Variants in SLC25A21 observed in about 807,000 individuals in gnomAD.
SLC25A21 encodes solute carrier family 25 member 21.
SLC25A21 carries 47 observed loss-of-function variants against 43.8 expected under a neutral mutation model. That is an observed-to-expected ratio of 1.07 (90% CI 0.85 to 1.37). The LOEUF (loss-of-function observed/expected upper bound fraction) is 1.37. Among genes scored for constraint, SLC25A21 ranks in the 40% most tolerant of loss-of-function variants. The pLI, the probability that SLC25A21 is intolerant of heterozygous loss-of-function variation, is 0.00. For missense variants in SLC25A21, 352 were observed against 350.2 expected (o/e 1.00, Z -0.04); for synonymous variants, 131 against 121.3 (o/e 1.08, Z -0.52).
intron 2 of SLC25A21, among the ~76,000 whole-genome samples, chr14:36,832,690 C>T (rs1415839954): frequency 6.6e-6 from 1 of 152,176 alleles, no homozygotes; most frequent in East Asian, 1.9e-4. Flanking sequence ...TCAAAAGAAT[C>T]TACTTTGCAA....
chr14:37,120,694 T>A (rs1012192942), intron 1 of SLC25A21, among the ~76,000 whole-genome samples: 1 of 151,996 alleles, frequency 6.6e-6, no homozygotes, highest in African/African-American at 2.4e-5. Flanking sequence ...TCAGCTCAAC[T>A]GTGGGGAAAA....
At chr14:36,931,659 A>C (rs1892295686) in intron 1 of SLC25A21, among the ~76,000 whole-genome samples, 1 of 152,114 alleles carries the variant, frequency 6.6e-6, no homozygotes, top group African/African-American at 2.4e-5. Context: ...TTAAATGGAG[A>C]ACTGATGAAA....
At chr14:36,916,482 C>A (rs712398) in intron 1 of SLC25A21, among the ~76,000 whole-genome samples, 5 of 152,048 alleles carry the variant, frequency 3.3e-5, no homozygotes, top group Non-Finnish European at 7.4e-5. Flanking sequence ...ATAGTTTTGA[C>A]TGAGGCTTCA....
At chr14:36,724,728 C>G (rs1884521767) in intron 6 of SLC25A21, among the ~76,000 whole-genome samples, 1 of 152,136 alleles carries the variant, frequency 6.6e-6, no homozygotes, top group Admixed American at 6.5e-5. Context: ...GATGAAATGT[C>G]AAGACCCGTC....
At chr14:36,846,421 G>A (rs115120979) in intron 2 of SLC25A21, among the ~76,000 whole-genome samples, 2,901 of 151,410 alleles carry the variant, frequency 0.019, 95 homozygotes, top group African/African-American at 0.056. Context: ...TGCTCTTGTC[G>A]CCCAGGCTAG....
intron 1 of SLC25A21, among the ~76,000 whole-genome samples, chr14:36,948,171 G>GAATT (rs1226430036): frequency 1.3e-5 from 2 of 152,130 alleles, no homozygotes; most frequent in African/African-American, 4.8e-5. Context: ...AATATAACTA[G>GAATT]AATTACTGCC....
At chr14:36,755,044 C>T (rs2139267106) in intron 3 of SLC25A21, among the ~76,000 whole-genome samples, 1 of 152,206 alleles carries the variant, frequency 6.6e-6, no homozygotes, top group Non-Finnish European at 1.5e-5. Flanking sequence ...AAATTAAAAT[C>T]ACACAAACAA....
rs1425239761 is a variant in SLC25A21 at position 36,983,721 on chromosome 14, TCA to T, written c.71-108719_71-108718del. Among the ~76,000 whole-genome samples the T allele has an allele frequency of 3.9e-5, 6 of 152,200 alleles. No homozygotes were observed. In the Middle Eastern group the frequency reaches 0.01, roughly 259 times the overall value. On this transcript the variant is annotated intron_variant, in intron 1 of 9. Coordinates refer to ENST00000331299, the MANE Select transcript of SLC25A21 (RefSeq NM_030631.4). The stretch of plus-strand genomic sequence containing the variant: ...TGCACCACTATTCACAATACCAAAG[TCA>T]TGGAATCAACCTGTGTCCATGAATG...
intron 5 of SLC25A21, 125 bp from the exon 6 acceptor site, chr14:36,725,802 C>A: frequency 1.2e-5 from 5 of 401,736 alleles, no homozygotes; most frequent in Non-Finnish European, 1.7e-5. Flanking sequence ...ATAAACGCAC[C>A]ATATTCCATT....
chr14:36,824,072 G>T (rs1254035007), intron 2 of SLC25A21, among the ~76,000 whole-genome samples: 5 of 152,194 alleles, frequency 3.3e-5, no homozygotes, highest in African/African-American at 9.6e-5. Context: ...GAAGGAGTCT[G>T]TTGGAGAATA....
At chr14:36,897,247 C>A (rs1035782133) in intron 1 of SLC25A21, among the ~76,000 whole-genome samples, 2 of 152,084 alleles carry the variant, frequency 1.3e-5, no homozygotes, top group East Asian at 1.9e-4. Context: ...TCTTTTTATT[C>A]TTTTTTCTCT....
intron 7 of SLC25A21, among the ~76,000 whole-genome samples, chr14:36,688,933 T>C (rs956218667): frequency 3.3e-5 from 5 of 152,248 alleles, no homozygotes; most frequent in Admixed American, 6.5e-5. Context: ...AGGCATAGTT[T>C]TTCTTCTTAT....
intron 1 of SLC25A21, among the ~76,000 whole-genome samples, chr14:36,930,048 A>C (rs1182442333): frequency 1.3e-5 from 2 of 152,172 alleles, no homozygotes; most frequent in East Asian, 3.9e-4. Flanking sequence ...AGGCCAAGCC[A>C]AGAAAGAGCT....
At chr14:36,932,663 T>C (rs1360112664) in intron 1 of SLC25A21, among the ~76,000 whole-genome samples, 1 of 152,054 alleles carries the variant, frequency 6.6e-6, no homozygotes, top group Non-Finnish European at 1.5e-5. Flanking sequence ...TACATGATCC[T>C]GCTCTAGGAA....
At position 37,037,591 on chromosome 14, in the gene SLC25A21, T is replaced by G. The variant is rs5807927; in HGVS notation, c.70+134690A>C. Among the ~76,000 whole-genome samples the G allele has an allele frequency of 2.8e-3, 135 of 47,742 alleles. 5 individuals carry two copies. In the East Asian group the frequency reaches 0.045, roughly 16 times the overall value. The allele number at this position is 47,742 out of a possible 152,430, so 31.3% of individuals were successfully genotyped here. A position where few individuals can be genotyped will look rare whatever the true frequency, so the allele number is the denominator to read the frequency against. On this transcript the variant is annotated intron_variant, in intron 1 of 9. Transcript: ENST00000331299. ...GTTTTCTTTTATCCTATTTAAAAAA[T>G]TTTTTTCACCAAACTTCAGTGGTGA...
intron 1 of SLC25A21, among the ~76,000 whole-genome samples, chr14:37,074,948 G>T (rs1409540210): frequency 6.6e-6 from 1 of 152,198 alleles, no homozygotes; most frequent in Non-Finnish European, 1.5e-5. Flanking sequence ...CACAGTGCTA[G>T]GTCCTGGAAA....
chr14:36,840,133 C>A (rs1414589548), intron 2 of SLC25A21, among the ~76,000 whole-genome samples: 1 of 152,110 alleles, frequency 6.6e-6, no homozygotes, highest in East Asian at 1.9e-4. Context: ...GAACTAACTC[C>A]CGGAGAACAT....
Position 37,123,053 on chromosome 14 carries a change from G to A in SLC25A21, c.70+49228C>T, listed in dbSNP as rs199594759. 3.6e-4 allele frequency among the ~76,000 whole-genome samples: 55 copies of A among 152,224 alleles called. 1 individual carries two copies. Among genetic ancestry groups the A allele is most frequent in the Middle Eastern group, 3.4e-3 (1 of 294 alleles). On this transcript the variant is annotated intron_variant, in intron 1 of 9. Transcript: ENST00000331299. The stretch of plus-strand genomic sequence containing the variant: ...TTAGGACCTGTATTCACAGATAAGC[G>A]GAAATTACTTATTAATATTACGAAT...
intron 1 of SLC25A21, among the ~76,000 whole-genome samples, chr14:36,888,231 C>T (rs1326954198): frequency 6.6e-6 from 1 of 152,070 alleles, no homozygotes; most frequent in African/African-American, 2.4e-5. Context: ...TAAAAATCTC[C>T]AGTAGTTCTT....
Sources: allele counts gnomAD v4.1 joint callset (sites outside exome capture counted in the v4.1 genomes callset), GRCh38; gene constraint gnomAD v4.1.1; transcripts MANE v1.5; gene names NCBI Gene and HGNC (gene_info 2026-07-23, HGNC 2026-07-21).